Variants in SH3GL3 observed in about 807,000 individuals in gnomAD.
SH3GL3 encodes SH3 domain containing GRB2 like 3, endophilin A3, also known as endophilin-A3.
In SH3GL3, 33 loss-of-function variants were observed where a neutral mutation model predicts 47.7. The ratio of observed to expected loss-of-function variants is 0.69; its 90% CI spans 0.52 to 0.92. SH3GL3 has a LOEUF of 0.92. SH3GL3 is among the 40% of genes least tolerant of loss of function. The pLI, the probability that SH3GL3 is intolerant of heterozygous loss-of-function variation, is 0.00. For missense variants in SH3GL3, 363 were observed against 417.8 expected (o/e 0.87, Z 1.14); for synonymous variants, 155 against 148.8 (o/e 1.04, Z -0.30).
At chr15:83,597,808 C>T (rs2060272516) in intron 8 of SH3GL3, among the ~76,000 whole-genome samples, 1 of 152,090 alleles carries the variant, frequency 6.6e-6, no homozygotes, top group Non-Finnish European at 1.5e-5. Context: ...CGGGGTTTCA[C>T]CATGTTGGCC....
At chr15:83,574,243 A>G (rs2059612362) in intron 5 of SH3GL3, among the ~76,000 whole-genome samples, 1 of 152,134 alleles carries the variant, frequency 6.6e-6, no homozygotes, top group Admixed American at 6.5e-5. Context: ...AGCAAAGGGT[A>G]TGAGGGAGAA....
chr15:83,504,796 G>A (rs184965265), intron 1 of SH3GL3, among the ~76,000 whole-genome samples: 32 of 152,328 alleles, frequency 2.1e-4, no homozygotes, highest in Non-Finnish European at 1.8e-4. Context: ...CAGAAACTGC[G>A]TGAGATAACA....
At chr15:83,517,429 C>T (rs896570337) in intron 1 of SH3GL3, among the ~76,000 whole-genome samples, 3 of 152,024 alleles carry the variant, frequency 2.0e-5, no homozygotes, top group African/African-American at 7.2e-5. Context: ...TGGTCTTGAA[C>T]TCCTGACCTC....
the SH3GL3 span, among the ~76,000 whole-genome samples, chr15:83,627,396 CA>C: frequency 8.5e-3 from 643 of 75,302 alleles, 3 homozygotes; most frequent in African/African-American, 0.024. Flanking sequence ...GATGCCGTCT[CA>C]AAAAAAAAAA....
chr15:83,572,248 G>C (rs578244644), intron 4 of SH3GL3, among the ~76,000 whole-genome samples: 20 of 152,252 alleles, frequency 1.3e-4, no homozygotes, highest in Non-Finnish European at 2.6e-4. Flanking sequence ...GGAACCCTCC[G>C]TGCCAGTTTC....
intron 1 of SH3GL3, among the ~76,000 whole-genome samples, chr15:83,466,753 G>A (rs2040587700): frequency 1.3e-5 from 2 of 152,168 alleles, no homozygotes; most frequent in African/African-American, 4.8e-5. Flanking sequence ...TCTGTTAGAT[G>A]TGGAGGGATA....
At chr15:83,552,819 G>A (rs1363066916) in intron 1 of SH3GL3, among the ~76,000 whole-genome samples, 1 of 152,206 alleles carries the variant, frequency 6.6e-6, no homozygotes, top group Non-Finnish European at 1.5e-5. Flanking sequence ...TGCTGTAATT[G>A]TGGGTTTATC....
In SH3GL3 at chr15:83,618,676, T is replaced by C. The variant is rs1354974309; in HGVS notation, c.*389T>C. 2 of 200,676 alleles carry C rather than the reference T, an allele frequency of 1.0e-5. No individual in the cohort carries two copies. Among genetic ancestry groups the C allele is most frequent in the East Asian group, 1.2e-4 (1 of 8,446 alleles). The allele number at this position is 200,676 out of a possible 1,614,324, so 12.4% of individuals were successfully genotyped here. A position where few individuals can be genotyped will look rare whatever the true frequency, so the allele number is the denominator to read the frequency against. ...GACATTCCTGATGACGTCTGGTCTT[T>C]TCTTTTCATTGTATTTTAAGCTTAC... On this transcript the variant is annotated 3_prime_UTR_variant, in exon 9 of 9. Transcript: ENST00000427482.
intron 1 of SH3GL3, among the ~76,000 whole-genome samples, chr15:83,515,828 G>A (rs1247735594): frequency 6.6e-6 from 1 of 152,138 alleles, no homozygotes; most frequent in Non-Finnish European, 1.5e-5. Context: ...TTAAATTGAT[G>A]TTCTCAATGT....
At chr15:83,625,582 G>A in the SH3GL3 span, among the ~76,000 whole-genome samples, 2 of 152,102 alleles carry the variant, frequency 1.3e-5, no homozygotes, top group South Asian at 4.1e-4. Flanking sequence ...TTCCAAGTTT[G>A]ATTCCAGCAT....
At chr15:83,630,788 G>T in the SH3GL3 span, among the ~76,000 whole-genome samples, 1 of 152,072 alleles carries the variant, frequency 6.6e-6, no homozygotes, top group Non-Finnish European at 1.5e-5. Flanking sequence ...GATTTGGGCG[G>T]GGACATAGCC....
chr15:83,509,492 T>C (rs1244323323), intron 1 of SH3GL3, among the ~76,000 whole-genome samples: 1 of 152,260 alleles, frequency 6.6e-6, no homozygotes, highest in African/African-American at 2.4e-5. Flanking sequence ...GGTAATTTAT[T>C]GCTCAATAGT....
chr15:83,593,635 C>A (rs1741794049), intron 8 of SH3GL3, among the ~76,000 whole-genome samples: 1 of 152,136 alleles, frequency 6.6e-6, no homozygotes, highest in South Asian at 2.1e-4. Flanking sequence ...TTCACGTCAT[C>A]TATAAATGAA....
chr15:83,625,551 G>A, the SH3GL3 span, among the ~76,000 whole-genome samples: 7 of 152,052 alleles, frequency 4.6e-5, no homozygotes, highest in African/African-American at 9.7e-5. Context: ...TTTTCCTTTC[G>A]CTGTTGTGGT....
At chr15:83,578,952 A>G (rs1423319257) in intron 6 of SH3GL3, among the ~76,000 whole-genome samples, 1 of 152,048 alleles carries the variant, frequency 6.6e-6, no homozygotes, top group East Asian at 1.9e-4. Context: ...CGTCTGACCC[A>G]TTTGTTCCAT....
intron 3 of SH3GL3, 60 bp from the exon 4 acceptor site, chr15:83,568,469 C>A: frequency 6.9e-7 from 1 of 1,446,490 alleles, no homozygotes; most frequent in Non-Finnish European, 9.6e-7. Context: ...TTATTAAATT[C>A]TATGTACCTG....
intron 1 of SH3GL3, among the ~76,000 whole-genome samples, chr15:83,516,178 G>A (rs746066362): frequency 2.6e-5 from 4 of 152,084 alleles, no homozygotes; most frequent in Admixed American, 6.6e-5. Flanking sequence ...CCTTTCTTGA[G>A]TCTCTCTTTT....
intron 1 of SH3GL3, among the ~76,000 whole-genome samples, chr15:83,536,683 C>T (rs923409183): frequency 3.3e-5 from 5 of 152,206 alleles, no homozygotes; most frequent in Non-Finnish European, 7.4e-5. Context: ...CCACCATGCC[C>T]AGCCAACTCT....
At chr15:83,449,857 T>C (rs1362531152) in intron 1 of SH3GL3, among the ~76,000 whole-genome samples, 5 of 152,204 alleles carry the variant, frequency 3.3e-5, no homozygotes, top group Non-Finnish European at 5.9e-5. Flanking sequence ...GTTCTAGAAG[T>C]CTTTCTAAAA....
Sources: allele counts gnomAD v4.1 joint callset (sites outside exome capture counted in the v4.1 genomes callset), GRCh38; gene constraint gnomAD v4.1.1; transcripts MANE v1.5; gene names NCBI Gene and HGNC (gene_info 2026-07-23, HGNC 2026-07-21).